The following CAMTA1 variants were observed in gnomAD, a reference collection of about 807,000 sequenced individuals.
CAMTA1 encodes the protein calmodulin-binding transcription activator 1.
CAMTA1 carries 27 observed loss-of-function variants against 170.9 expected under a neutral mutation model. The ratio of observed to expected loss-of-function variants is 0.16; its 90% confidence interval spans 0.12 to 0.22. The LOEUF is 0.22. CAMTA1 is among the 10% of genes least tolerant of loss of function. CAMTA1 has a pLI of 1.00. For synonymous variants in CAMTA1, 833 were observed against 891.5 expected, an observed-to-expected ratio of 0.93 and a Z score of 1.17; for missense variants, 1,619 against 2,217.2, an observed-to-expected ratio of 0.73 and a Z score of 5.42.
Position 7,494,331 on chromosome 1 carries a change from G to A in CAMTA1, c.510+26430G>A, listed in dbSNP as rs74843463. Among the ~76,000 whole-genome samples, 1,509 of 152,250 alleles carry A rather than the reference G, an allele frequency of 9.9e-3. 29 individuals carry two copies. The highest frequency in any genetic ancestry group is 0.034 in the East Asian group (177 of 5,184). The stretch of plus-strand genomic sequence containing the variant: ...TTATCCTTTTCTGGGCAGGAGATCC[G>A]GAGAAGAACCTCATCAGAATGTACA... On this transcript the variant is annotated intron_variant, in intron 6 of 22. Coordinates refer to ENST00000303635, the MANE Select transcript of CAMTA1 (RefSeq NM_015215.4).
chr1:7,289,412 G>A lies in CAMTA1; in HGVS notation c.438+39786G>A, dbSNP rs138951304. 4.1e-3 allele frequency among the ~76,000 whole-genome samples: 628 copies of A among 152,238 alleles called. 3 individuals carry two copies. Among genetic ancestry groups the A allele is most frequent in the African/African-American group, 0.014 (585 of 41,528 alleles). On this transcript the variant is annotated intron_variant, in intron 5 of 22. Coordinates refer to ENST00000303635, the MANE Select transcript of CAMTA1 (RefSeq NM_015215.4). ...ACAAGAGGATGAGATAACAGGAGAA[G>A]GACTGTCCTTGGAGAGGAAGGGGCA...
At chr1:7,258,085 A>C (rs529425872) in intron 5 of CAMTA1, among the ~76,000 whole-genome samples, 2 of 152,170 alleles carry the variant, frequency 1.3e-5, no homozygotes, top group Admixed American at 1.3e-4. Flanking sequence ...AAACGTGAGG[A>C]CTTCCAGATA....
At chr1:7,509,101 C>CAG (rs2094164135) in intron 6 of CAMTA1, among the ~76,000 whole-genome samples, 1 of 152,176 alleles carries the variant, frequency 6.6e-6, no homozygotes, top group African/African-American at 2.4e-5. Context: ...GATGGCTGAG[C>CAG]AGAGAGCTGG....
At chr1:7,626,397 C>T (rs1467960770) in intron 6 of CAMTA1, among the ~76,000 whole-genome samples, 1 of 152,166 alleles carries the variant, frequency 6.6e-6, no homozygotes, top group Admixed American at 6.5e-5. Context: ...CCCAACCTCC[C>T]AGATTTCCCT....
chr1:6,945,321 G>A (rs1175291852), intron 3 of CAMTA1, among the ~76,000 whole-genome samples: 2 of 152,074 alleles, frequency 1.3e-5, no homozygotes, highest in Non-Finnish European at 2.9e-5. Context: ...GAAACCCTAT[G>A]CCCTTTATAA....
chr1:6,871,481 G>A (rs1668397504), intron 3 of CAMTA1, among the ~76,000 whole-genome samples: 1 of 152,132 alleles, frequency 6.6e-6, no homozygotes, highest in Admixed American at 6.5e-5. Context: ...ATCAAACACT[G>A]TCATTTCCAG....
At chr1:7,676,954 G>A (rs553527777) in intron 10 of CAMTA1, among the ~76,000 whole-genome samples, 1 of 152,176 alleles carries the variant, frequency 6.6e-6, no homozygotes, top group South Asian at 2.1e-4. Context: ...AGCAGTTAAC[G>A]AGACCTGCCA....
rs3058550 is a variant in CAMTA1 at position 7,129,919 on chromosome 1, T to TTGTGTGTG, written c.302+38577_302+38584dup. Among the ~76,000 whole-genome samples the TTGTGTGTG allele has an allele frequency of 7.0e-3, 1,024 of 147,140 alleles. 13 individuals are homozygous for TTGTGTGTG. The highest frequency in any genetic ancestry group is 0.024 in the African/African-American group (932 of 39,652). ...GTTGTTCTTTTAGATCTACCTTCTT[T>TTGTGTGTG]TGTGTGTGTGTGTGTGTGTGTGTGT... On this transcript the variant is annotated intron_variant, in intron 4 of 22. Transcript: ENST00000303635.
chr1:7,650,997 C>T (rs1351501814), intron 7 of CAMTA1, among the ~76,000 whole-genome samples: 4 of 152,194 alleles, frequency 2.6e-5, no homozygotes, highest in African/African-American at 7.2e-5. Context: ...CCGAAGGGGC[C>T]TCATTCACTC....
Position 7,766,514 on chromosome 1 carries a change from G to C in CAMTA1, c.*23G>C. The C allele has an allele frequency of 1.2e-6, 2 of 1,611,486 alleles. No homozygotes were observed. The highest frequency in any genetic ancestry group is 1.1e-5 in the South Asian group (1 of 91,036). On this transcript the variant is annotated 3_prime_UTR_variant, in exon 23 of 23. Coordinates refer to ENST00000303635, the MANE Select transcript of CAMTA1 (RefSeq NM_015215.4). Reference sequence around the variant, plus strand: ...TGAAGACATACAGCAGCATCCCTTAGCAATGTGACATTGCTTTTCAGACTG... The same window carrying C: ...TGAAGACATACAGCAGCATCCCTTACCAATGTGACATTGCTTTTCAGACTG...
At chr1:6,952,953 G>A (rs977651434) in intron 3 of CAMTA1, among the ~76,000 whole-genome samples, 3 of 152,178 alleles carry the variant, frequency 2.0e-5, no homozygotes, top group Non-Finnish European at 2.9e-5. Context: ...AGAGGCCACC[G>A]TGGTGGACAC....
chr1:7,515,713 T>G (rs1575745973), intron 6 of CAMTA1, among the ~76,000 whole-genome samples: 1 of 152,216 alleles, frequency 6.6e-6, no homozygotes, highest in Non-Finnish European at 1.5e-5. Flanking sequence ...CCCTCCTTCG[T>G]CCCCTGCTAA....
At chr1:6,939,170 TG>T (rs1295709229) in intron 3 of CAMTA1, among the ~76,000 whole-genome samples, 1 of 152,200 alleles carries the variant, frequency 6.6e-6, no homozygotes, top group Non-Finnish European at 1.5e-5. Flanking sequence ...GGAGCAGGCG[TG>T]GAGCGTCAGA....
intron 4 of CAMTA1, among the ~76,000 whole-genome samples, chr1:7,211,957 C>A (rs771939151): frequency 5.5e-4 from 83 of 152,190 alleles, no homozygotes; most frequent in Admixed American, 1.7e-3. Flanking sequence ...TTCATCTTTC[C>A]ATATGTGGCA....
chr1:7,706,311 A>G lies in CAMTA1; in HGVS notation c.2915-26137A>G, dbSNP rs6674180. Among the ~76,000 whole-genome samples, 1,321 of 152,190 alleles carry G rather than the reference A, an allele frequency of 8.7e-3. 18 individuals carry two copies. Among genetic ancestry groups the G allele is most frequent in the African/African-American group, 0.03 (1,240 of 41,518 alleles). Reference sequence around the variant, plus strand: ...TTGGTTGCTTGAATGAATGCATTATATTTTTTCCACCAGTGAGGCCAACCC... The same window carrying G: ...TTGGTTGCTTGAATGAATGCATTATGTTTTTTCCACCAGTGAGGCCAACCC... On this transcript the variant is annotated intron_variant, in intron 11 of 22. Coordinates refer to ENST00000303635, the MANE Select transcript of CAMTA1 (RefSeq NM_015215.4).
At chr1:7,576,868 G>A (rs573612494) in intron 6 of CAMTA1, among the ~76,000 whole-genome samples, 43 of 152,210 alleles carry the variant, frequency 2.8e-4, no homozygotes, top group Non-Finnish European at 5.9e-4. Flanking sequence ...GAGCAGAGAG[G>A]TAGGAGGACG....
At chr1:7,683,913 A>T (rs892767238) in intron 11 of CAMTA1, among the ~76,000 whole-genome samples, 2 of 152,182 alleles carry the variant, frequency 1.3e-5, no homozygotes, top group Non-Finnish European at 2.9e-5. Flanking sequence ...CATCTTAGCC[A>T]TTGGGGCTCC....
intron 5 of CAMTA1, among the ~76,000 whole-genome samples, chr1:7,387,172 T>A (rs987360980): frequency 3.3e-5 from 5 of 151,962 alleles, no homozygotes; most frequent in African/African-American, 1.2e-4. Context: ...AATCCATTAC[T>A]CCAGACTGGG....
chr1:6,870,159 C>T (rs1301039359), intron 3 of CAMTA1, among the ~76,000 whole-genome samples: 3 of 152,072 alleles, frequency 2.0e-5, no homozygotes, highest in Non-Finnish European at 4.4e-5. Flanking sequence ...TACAAACATG[C>T]TGAAATGGTC....
Sources: allele counts gnomAD v4.1 joint callset (sites outside exome capture counted in the v4.1 genomes callset), GRCh38; gene constraint gnomAD v4.1.1; transcripts MANE v1.5; gene names NCBI Gene and HGNC (gene_info 2026-07-23, HGNC 2026-07-21).